Variants in SPAG6 observed in about 807,000 individuals in gnomAD.
SPAG6 encodes sperm associated antigen 6.
A neutral mutation model predicts 58.5 loss-of-function variants in SPAG6; 49 were observed. That is an observed-to-expected ratio of 0.84 (90% CI 0.67 to 1.06). The LOEUF is 1.06. Ranked by LOEUF, SPAG6 falls within the 50% of genes least tolerant of loss-of-function variation. The pLI is 0.00. For missense variants in SPAG6, 560 were observed against 611.3 expected (o/e 0.92, Z 0.89); for synonymous variants, 233 against 225.6 (o/e 1.03, Z -0.29).
chr10:22,364,495 G>A (rs902232205), intron 2 of SPAG6, among the ~76,000 whole-genome samples: 1 of 152,146 alleles, frequency 6.6e-6, no homozygotes, highest in Admixed American at 6.5e-5. Context: ...TGCAAAGTCT[G>A]GGGGGAAGCC....
At chr10:22,378,417 G>T (rs1169427355) in intron 4 of SPAG6, among the ~76,000 whole-genome samples, 8 of 133,314 alleles carry the variant, frequency 6.0e-5, no homozygotes, top group African/African-American at 1.9e-4. Flanking sequence ...GTCTGGGCAG[G>T]TTTTTTTTTT....
chr10:22,365,064 T>G (rs1685745456), intron 3 of SPAG6, 45 bp downstream of exon 3: 1 of 1,447,052 alleles, frequency 6.9e-7, no homozygotes, highest in African/African-American at 1.4e-5. Context: ...TGTTTTAGAT[T>G]TTTAAAAATG....
chr10:22,401,058 G>C, intron 8 of SPAG6, 103 bp from the exon 9 acceptor site: 3 of 692,646 alleles, frequency 4.3e-6, no homozygotes, highest in Non-Finnish European at 7.7e-6. Context: ...GCTTAGACCA[G>C]GAAATTGATT....
At chr10:22,360,937 C>T (rs1251361179) in intron 2 of SPAG6, 1 of 803,372 alleles carries the variant, frequency 1.2e-6, no homozygotes, top group Non-Finnish European at 2.1e-6. Flanking sequence ...TATGCAGTTT[C>T]CTTGCATATT....
At chr10:22,352,118 T>C (rs1184938693) in intron 2 of SPAG6, among the ~76,000 whole-genome samples, 1 of 151,578 alleles carries the variant, frequency 6.6e-6, no homozygotes, top group East Asian at 1.9e-4. Context: ...CCGAGATCGC[T>C]CCACTGTGCT....
At chr10:22,362,132 A>G (rs910309592) in intron 2 of SPAG6, among the ~76,000 whole-genome samples, 4 of 145,552 alleles carry the variant, frequency 2.7e-5, no homozygotes, top group Admixed American at 1.4e-4. Context: ...TGTATTTTAT[A>G]TATTTATTTT....
chr10:22,411,183 A>G lies in SPAG6; in HGVS notation c.1460+7A>G, dbSNP rs768072816. On this transcript the variant is annotated splice_region_variant and intron_variant, in intron 10 of 10. Transcript: ENST00000376624. ...ACCCCGAGGAAATAGTGAGGTGGGG[A>G]AAATGGACTTTGAAACGTTCAATAT... 1 of 1,596,910 alleles carries G rather than the reference A, an allele frequency of 6.3e-7. No homozygotes were observed. Among genetic ancestry groups the G allele is most frequent in the Non-Finnish European group, 8.5e-7 (1 of 1,172,426 alleles).
At chr10:22,370,195 T>A (rs1042537122) in intron 4 of SPAG6, among the ~76,000 whole-genome samples, 7 of 152,202 alleles carry the variant, frequency 4.6e-5, no homozygotes, top group African/African-American at 1.7e-4. Flanking sequence ...AAAAAAATCA[T>A]GTTTGTATTC....
intron 9 of SPAG6, among the ~76,000 whole-genome samples, chr10:22,403,253 G>T (rs58340985): frequency 0.16 from 23,864 of 152,074 alleles, 5,588 homozygotes; most frequent in African/African-American, 0.51. Flanking sequence ...CATCTAGCAT[G>T]AGGTATATCT....
At chr10:22,365,666 C>G (rs1837178113) in intron 3 of SPAG6, among the ~76,000 whole-genome samples, 1 of 152,094 alleles carries the variant, frequency 6.6e-6, no homozygotes, top group African/African-American at 2.4e-5. Flanking sequence ...TTTATCATAA[C>G]CTAGGGATAG....
chr10:22,345,690 T>G lies in SPAG6; in HGVS notation c.26-33T>G. 1 of 1,591,882 alleles carries G rather than the reference T, an allele frequency of 6.3e-7. No individual in the cohort carries two copies. Among genetic ancestry groups the G allele is most frequent in the South Asian group, 1.1e-5 (1 of 88,102 alleles). The stretch of plus-strand genomic sequence containing the variant: ...CTAGCTGGCGCCGAGGAGACCCGGG[T>G]GCGGTGGGCTCCACCGACTCTCTCT... On this transcript the variant is annotated intron_variant, in intron 1 of 10. Transcript: ENST00000376624. This position sits in a 1 kb window ranked among gnomAD's most constrained non-coding sequence, Gnocchi z 6.3.
intron 8 of SPAG6, among the ~76,000 whole-genome samples, chr10:22,398,457 T>A (rs946968810): frequency 6.6e-6 from 1 of 152,224 alleles, no homozygotes; most frequent in African/African-American, 2.4e-5. Context: ...CCTGGGCACA[T>A]GGCTTATGCC....
At chr10:22,386,260 A>G (rs1204366097) in intron 4 of SPAG6, among the ~76,000 whole-genome samples, 1 of 152,190 alleles carries the variant, frequency 6.6e-6, no homozygotes, top group African/African-American at 2.4e-5. Context: ...AATCTTTTAA[A>G]AGTACTACAA....
chr10:22,370,093 AT>A (rs1159863418), intron 4 of SPAG6, among the ~76,000 whole-genome samples: 7 of 152,252 alleles, frequency 4.6e-5, no homozygotes, highest in Admixed American at 4.6e-4. Context: ...ACATGGTAAC[AT>A]GGAAAAGTGA....
chr10:22,346,479 T>C (rs922989309), intron 2 of SPAG6, among the ~76,000 whole-genome samples: 3 of 141,502 alleles, frequency 2.1e-5, no homozygotes, highest in African/African-American at 9.3e-5. Context: ...CTTCTTCTTC[T>C]TCTTCTTCTT....
intron 4 of SPAG6, among the ~76,000 whole-genome samples, chr10:22,370,519 T>C (rs1833659699): frequency 6.6e-6 from 1 of 152,304 alleles, no homozygotes; most frequent in East Asian, 1.9e-4. Flanking sequence ...CACTAAATAC[T>C]TCCTGAAACA....
intron 4 of SPAG6, among the ~76,000 whole-genome samples, chr10:22,384,558 C>T (rs999470756): frequency 6.6e-6 from 1 of 152,104 alleles, no homozygotes; most frequent in African/African-American, 2.4e-5. Flanking sequence ...GCTAGGAGAA[C>T]AATACTTCTA....
chr10:22,367,089 A>G (rs1397531502), intron 3 of SPAG6, among the ~76,000 whole-genome samples: 1 of 151,634 alleles, frequency 6.6e-6, no homozygotes, highest in East Asian at 1.9e-4. Flanking sequence ...AAATTAGGAG[A>G]AAGAGGGAAT....
intron 2 of SPAG6, chr10:22,346,037 T>C (rs1229267142): frequency 1.3e-6 from 2 of 1,539,952 alleles, no homozygotes; most frequent in Non-Finnish European, 1.8e-6. Context: ...TCCATCTTCA[T>C]TGCACACAGG....
Sources: allele counts gnomAD v4.1 joint callset (sites outside exome capture counted in the v4.1 genomes callset), GRCh38; gene constraint gnomAD v4.1.1; non-coding constraint Gnocchi (gnomAD v3.1); transcripts MANE v1.5; gene names NCBI Gene and HGNC (gene_info 2026-07-23, HGNC 2026-07-21).